TMOD1: variants seen among roughly 807,000 people sequenced by gnomAD.
TMOD1 encodes the protein tropomodulin-1.
Under a neutral mutation model 40.6 loss-of-function variants are expected in TMOD1, and 17 were observed. That is an observed-to-expected ratio of 0.42 (90% CI 0.29 to 0.63). TMOD1 has a LOEUF of 0.63. Among genes scored for constraint, TMOD1 ranks in the 20% least tolerant of loss-of-function variants. TMOD1 has a pLI of 0.22. For synonymous variants in TMOD1, 181 were observed against 175.0 expected (o/e 1.03, Z -0.27); for missense variants, 391 against 447.6 (o/e 0.87, Z 1.14).
At chr9:97,526,907 A>G (rs1430783908) in intron 2 of TMOD1, among the ~76,000 whole-genome samples, 4 of 152,142 alleles carry the variant, frequency 2.6e-5, no homozygotes, top group Non-Finnish European at 4.4e-5. Flanking sequence ...CATTCCAGAT[A>G]ACTCAGAATC....
chr9:97,594,694 C>T (rs535994622), intron 9 of TMOD1, among the ~76,000 whole-genome samples: 6 of 152,342 alleles, frequency 3.9e-5, no homozygotes, highest in African/African-American at 9.6e-5. Context: ...AGTGCGTCTT[C>T]GGTCCTCCCC....
intron 1 of TMOD1, chr9:97,516,885 A>G (rs1829818985): frequency 6.6e-6 from 1 of 152,198 alleles, no homozygotes; most frequent in African/African-American, 2.4e-5. Context: ...AGAAAATGAA[A>G]AAGTTCTGGA....
intron 2 of TMOD1, among the ~76,000 whole-genome samples, chr9:97,526,360 T>C (rs1156992302): frequency 6.6e-6 from 1 of 152,212 alleles, no homozygotes; most frequent in Non-Finnish European, 1.5e-5. Flanking sequence ...GTCTCTTTGG[T>C]TGTGTATGTG....
At chr9:97,589,937 A>T (rs1825966510) in intron 8 of TMOD1, among the ~76,000 whole-genome samples, 1 of 152,072 alleles carries the variant, frequency 6.6e-6, no homozygotes, top group Admixed American at 6.5e-5. Context: ...AGGAAACAAA[A>T]ACTTTCTCCC....
At chr9:97,546,609 T>A (rs1176502493) in intron 3 of TMOD1, among the ~76,000 whole-genome samples, 1 of 152,168 alleles carries the variant, frequency 6.6e-6, no homozygotes, top group Admixed American at 6.5e-5. Context: ...CACTAGGATG[T>A]CCTGATTATT....
At chr9:97,547,018 C>G (rs538190375) in intron 3 of TMOD1, among the ~76,000 whole-genome samples, 1 of 151,714 alleles carries the variant, frequency 6.6e-6, no homozygotes, top group South Asian at 2.1e-4. Flanking sequence ...GATGCACTAA[C>G]CATCTCCACC....
At chr9:97,597,210 AAGTAAAG>A (rs72045453) in intron 9 of TMOD1, among the ~76,000 whole-genome samples, 3,343 of 152,368 alleles carry the variant, frequency 0.022, 69 homozygotes, top group Middle Eastern at 0.12. Context: ...TTTTTAAAGA[AAGTAAAG>A]ACCAGACAGA....
intron 2 of TMOD1, among the ~76,000 whole-genome samples, chr9:97,533,129 T>G (rs1830127919): frequency 6.6e-6 from 1 of 152,240 alleles, no homozygotes; most frequent in Non-Finnish European, 1.5e-5. Flanking sequence ...TATTTTAAAA[T>G]GCTGACAGCT....
chr9:97,585,207 C>A (rs1825843705), intron 8 of TMOD1, among the ~76,000 whole-genome samples: 1 of 152,198 alleles, frequency 6.6e-6, no homozygotes, highest in Middle Eastern at 3.4e-3. Flanking sequence ...CTGGTGGTGA[C>A]AAAATCTCTC....
intron 6 of TMOD1, 149 bp from the exon 7 acceptor site, chr9:97,565,699 C>A: frequency 1.6e-6 from 1 of 623,178 alleles, no homozygotes; most frequent in Non-Finnish European, 2.8e-6. Flanking sequence ...AGATTTCAGT[C>A]GTCCGGGACA....
chr9:97,588,202 A>C (rs1825920803), intron 8 of TMOD1, among the ~76,000 whole-genome samples: 1 of 152,210 alleles, frequency 6.6e-6, no homozygotes, highest in Non-Finnish European at 1.5e-5. Flanking sequence ...GCACCATTTT[A>C]TATTCCCACC....
intron 3 of TMOD1, among the ~76,000 whole-genome samples, chr9:97,549,844 C>T (rs760246477): frequency 3.9e-5 from 6 of 152,254 alleles, no homozygotes; most frequent in East Asian, 3.9e-4. Context: ...TACCTCCACC[C>T]GCCCTCCCTT....
chr9:97,501,296 T>C (rs1031256594), upstream of TMOD1: 1 of 152,220 alleles, frequency 6.6e-6, no homozygotes, highest in African/African-American at 2.4e-5. Context: ...CTTAGCTGGC[T>C]TTGGTCCATC....
At chr9:97,510,135 A>G (rs1404525144) in intron 1 of TMOD1, among the ~76,000 whole-genome samples, 1 of 152,214 alleles carries the variant, frequency 6.6e-6, no homozygotes, top group Non-Finnish European at 1.5e-5. Flanking sequence ...ATAAAGCTCT[A>G]TCTTACATTA....
At chr9:97,548,229 G>A (rs752987793) in intron 3 of TMOD1, among the ~76,000 whole-genome samples, 10 of 152,072 alleles carry the variant, frequency 6.6e-5, no homozygotes, top group African/African-American at 9.7e-5. Flanking sequence ...CCCCTGTATC[G>A]CAGTTGTATT....
intron 1 of TMOD1, among the ~76,000 whole-genome samples, chr9:97,514,262 T>G: frequency 6.9e-6 from 1 of 145,490 alleles, no homozygotes; most frequent in Non-Finnish European, 1.5e-5. Context: ...TGTGTTTTCT[T>G]TTTTTTCTTT....
chr9:97,524,363 G>A, intron 2 of TMOD1, 55 bp downstream of exon 2: 1 of 1,584,826 alleles, frequency 6.3e-7, no homozygotes, highest in Non-Finnish European at 8.6e-7. Context: ...CCTGGGGAGG[G>A]ACAGGTGGAT....
At chr9:97,524,538 C>G (rs7031147) in intron 2 of TMOD1, among the ~76,000 whole-genome samples, 14 of 148,952 alleles carry the variant, frequency 9.4e-5, no homozygotes, top group South Asian at 2.1e-4. Flanking sequence ...GTGTGTGTGT[C>G]GAGACAGAGA....
intron 8 of TMOD1, among the ~76,000 whole-genome samples, chr9:97,581,114 A>G (rs1183610677): frequency 6.7e-6 from 1 of 148,336 alleles, no homozygotes; most frequent in East Asian, 2.0e-4. Context: ...ATCTAGCATT[A>G]GGTATATCTC....
Sources: gnomAD v4.1 joint callset for allele counts (sites outside exome capture counted in the v4.1 genomes callset) on GRCh38, gnomAD v4.1.1 for gene constraint, MANE v1.5 for transcripts, NCBI Gene and HGNC (gene_info 2026-07-23, HGNC 2026-07-21) for gene names.